Variants in PRKN observed in about 807,000 individuals in gnomAD.
PRKN encodes parkin RBR E3 ubiquitin protein ligase, also known as E3 ubiquitin-protein ligase parkin.
Under a neutral mutation model 59.5 loss-of-function variants are expected in PRKN, and 56 were observed. That is an observed-to-expected ratio of 0.94 (90% CI 0.76 to 1.18). PRKN has a LOEUF of 1.18. Among genes scored for constraint, PRKN ranks in the 50% most tolerant of loss-of-function variants. The pLI is 0.00. For synonymous variants in PRKN, 250 were observed against 222.1 expected, an observed-to-expected ratio of 1.13 and a Z score of -1.12; for missense variants, 657 against 596.4, an observed-to-expected ratio of 1.10 and a Z score of -1.06.
rs552858979 is a variant in PRKN at position 161,794,095 on chromosome 6, C to T, written c.735-8187G>A. Among the ~76,000 whole-genome samples, 3 of 152,232 alleles carry T rather than the reference C, an allele frequency of 2.0e-5. No homozygotes were observed. The East Asian group carries it at 5.8e-4, about 29-fold the overall frequency. ...GATTTTATGCATCTCGTGGCATTGG[C>T]TTGTGTCTACCTGGAATTTTTTTAT... On this transcript the variant is annotated intron_variant, in intron 6 of 11. Coordinates refer to ENST00000366898, the MANE Select transcript of PRKN (RefSeq NM_004562.3).
At chr6:162,443,229 A>G in intron 2 of PRKN, 81 bp downstream of exon 2, 1 of 1,411,868 alleles carries the variant, frequency 7.1e-7, no homozygotes, top group African/African-American at 1.4e-5. Flanking sequence ...GATCTCAGGC[A>G]TGAATGTCAG....
chr6:162,666,336 ATAAG>A (rs2128229266), intron 1 of PRKN, among the ~76,000 whole-genome samples: 1 of 152,300 alleles, frequency 6.6e-6, no homozygotes, highest in South Asian at 2.1e-4. Flanking sequence ...TCTGGGGAAA[ATAAG>A]TAAATCTGCA....
chr6:161,875,802 A>G (rs1374452376), intron 6 of PRKN, among the ~76,000 whole-genome samples: 1 of 152,090 alleles, frequency 6.6e-6, no homozygotes, highest in African/African-American at 2.4e-5. Context: ...GTAAAGTGAG[A>G]CACAGGATCT....
chr6:161,757,833 A>ATCTCTCTCCCTCTCTCTCTCTC lies in PRKN; in HGVS notation c.871+27938_871+27939insGAGAGAGAGAGAGGGAGAGAGA, dbSNP rs1554301288. Among the ~76,000 whole-genome samples, 71 of 37,630 alleles carry ATCTCTCTCCCTCTCTCTCTCTC rather than the reference A, an allele frequency of 1.9e-3. 2 individuals carry two copies. Among genetic ancestry groups the ATCTCTCTCCCTCTCTCTCTCTC allele is most frequent in the African/African-American group, 2.4e-3 (29 of 12,090 alleles). 24.7% of individuals were successfully genotyped at this position (37,630 alleles called of 152,430 possible). A position where few individuals can be genotyped will look rare whatever the true frequency, so the allele number is the denominator to read the frequency against. On this transcript the variant is annotated intron_variant, in intron 7 of 11. Transcript: ENST00000366898. ...AGCCTGGGCAATAGAGCAAAACTCC[A>ATCTCTCTCCCTCTCTCTCTCTC]TCTCTCTCTCTCTCTCTCTCTCTCT...
At chr6:162,236,357 C>T (rs1471505984) in intron 3 of PRKN, among the ~76,000 whole-genome samples, 1 of 152,132 alleles carries the variant, frequency 6.6e-6, no homozygotes, top group African/African-American at 2.4e-5. Flanking sequence ...TGACCTCAAC[C>T]CCAGCCAGCA....
intron 6 of PRKN, among the ~76,000 whole-genome samples, chr6:161,903,647 T>G (rs2128235586): frequency 1.3e-5 from 2 of 152,210 alleles, no homozygotes; most frequent in East Asian, 3.9e-4. Context: ...TAACAAAACC[T>G]ACAAAACACA....
chr6:162,714,750 C>G (rs919182484), intron 1 of PRKN, among the ~76,000 whole-genome samples: 8 of 152,036 alleles, frequency 5.3e-5, no homozygotes, highest in African/African-American at 1.9e-4. Context: ...AAATACAGAC[C>G]CCAATGAAGC....
chr6:162,675,141 G>A (rs903812651), intron 1 of PRKN, among the ~76,000 whole-genome samples: 9 of 45,422 alleles, frequency 2.0e-4, no homozygotes, highest in African/African-American at 9.8e-4. Context: ...CTGCCTCCCA[G>A]GTTCAAGCGA....
chr6:162,110,589 A>T (rs1314562762), intron 4 of PRKN, among the ~76,000 whole-genome samples: 1 of 152,260 alleles, frequency 6.6e-6, no homozygotes, highest in African/African-American at 2.4e-5. Context: ...GGGCAGAAAT[A>T]GAAATGAATC....
intron 5 of PRKN, among the ~76,000 whole-genome samples, chr6:161,976,796 T>C (rs546101929): frequency 6.6e-6 from 1 of 152,314 alleles, no homozygotes; most frequent in African/African-American, 2.4e-5. Context: ...ATTGAAAAAG[T>C]ATTTCATATA....
intron 3 of PRKN, among the ~76,000 whole-genome samples, chr6:162,240,605 G>GTA: frequency 6.6e-6 from 1 of 152,146 alleles, no homozygotes; most frequent in Non-Finnish European, 1.5e-5. Context: ...ATAACACCAT[G>GTA]CAAAGTTGTC....
intron 2 of PRKN, among the ~76,000 whole-genome samples, chr6:162,367,315 T>C (rs1042343080): frequency 6.6e-6 from 1 of 152,214 alleles, no homozygotes; most frequent in Admixed American, 6.5e-5. Context: ...TACACAGTTT[T>C]GGGCAGTCCT....
At chr6:161,812,578 T>C (rs938891972) in intron 6 of PRKN, among the ~76,000 whole-genome samples, 2 of 152,018 alleles carry the variant, frequency 1.3e-5, no homozygotes, top group Non-Finnish European at 2.9e-5. Context: ...GGAGAAAAAT[T>C]TGAATAGATG....
chr6:162,463,539 G>A (rs1791269937), intron 1 of PRKN, among the ~76,000 whole-genome samples: 1 of 152,100 alleles, frequency 6.6e-6, no homozygotes, highest in South Asian at 2.1e-4. Flanking sequence ...CGGGTTCCCT[G>A]AGCTCCGGGT....
At chr6:162,714,310 CTTCT>C (rs1278789278) in intron 1 of PRKN, among the ~76,000 whole-genome samples, 1 of 152,148 alleles carries the variant, frequency 6.6e-6, no homozygotes, top group African/African-American at 2.4e-5. Flanking sequence ...ATCAGACTTC[CTTCT>C]TTGCTTTGCG....
intron 3 of PRKN, among the ~76,000 whole-genome samples, chr6:162,235,991 A>AAG (rs1554288893): frequency 1.4e-5 from 2 of 139,142 alleles, no homozygotes; most frequent in African/African-American, 5.6e-5. Flanking sequence ...GAAAGAAAGA[A>AAG]AGAAAGAAAG....
chr6:161,379,532 C>G lies in PRKN; in HGVS notation c.1167+7262G>C, dbSNP rs1055431830. Among the ~76,000 whole-genome samples the G allele has an allele frequency of 2.0e-5, 3 of 152,220 alleles. No individual in the cohort carries two copies. Among genetic ancestry groups the G allele is most frequent in the Admixed American group, 2.0e-4 (3 of 15,288 alleles). On this transcript the variant is annotated intron_variant, in intron 10 of 11. Coordinates refer to ENST00000366898, the MANE Select transcript of PRKN (RefSeq NM_004562.3). The surrounding 1 kb of genome is among the most constrained non-coding windows in gnomAD (Gnocchi z 4.9). Reference sequence around the variant, plus strand: ...AGACCCCTCCTCCAGGACTGATATCCCTGCTGCTGGGTATGTCCGCAGCAG... The same window carrying G: ...AGACCCCTCCTCCAGGACTGATATCGCTGCTGCTGGGTATGTCCGCAGCAG...
At chr6:162,119,771 G>T (rs1431337787) in intron 4 of PRKN, among the ~76,000 whole-genome samples, 1 of 152,118 alleles carries the variant, frequency 6.6e-6, no homozygotes, top group Non-Finnish European at 1.5e-5. Flanking sequence ...GAATCAGAGA[G>T]ATTTGGAAAT....
chr6:162,630,281 C>T (rs1783056366), intron 1 of PRKN, among the ~76,000 whole-genome samples: 1 of 152,098 alleles, frequency 6.6e-6, no homozygotes, highest in Non-Finnish European at 1.5e-5. Flanking sequence ...TTATACTGTC[C>T]TGCCAAGCTA....
Sources: gnomAD v4.1 joint callset for allele counts (sites outside exome capture counted in the v4.1 genomes callset) on GRCh38, gnomAD v4.1.1 for gene constraint, Gnocchi (gnomAD v3.1) non-coding constraint, MANE v1.5 for transcripts, NCBI Gene and HGNC (gene_info 2026-07-23, HGNC 2026-07-21) for gene names.